The following NLRC5 variants were observed in gnomAD, a reference collection of about 807,000 sequenced individuals.
NLRC5 encodes NLR family CARD domain containing 5, also known as protein NLRC5.
NLRC5 carries 114 observed loss-of-function variants against 206.9 expected under a neutral mutation model. The observed-to-expected ratio is 0.55, with a 90% confidence interval of 0.47 to 0.64. The LOEUF (loss-of-function observed/expected upper bound fraction) is 0.64, where lower values mean the gene tolerates loss of function less well. NLRC5 is among the 30% of genes least tolerant of loss of function. The pLI, the probability that NLRC5 is intolerant of heterozygous loss-of-function variation, is 0.00. For synonymous variants in NLRC5, 952 were observed against 962.8 expected (o/e 0.99, Z 0.21); for missense variants, 2,008 against 2,305.5 (o/e 0.87, Z 2.64).
Position 57,034,239 on chromosome 16 carries a change from T to C in NLRC5, c.2615T>C (p.Leu872Pro). 1 of 1,608,654 alleles carries C rather than the reference T, an allele frequency of 6.2e-7. No individual in the cohort carries two copies. Among genetic ancestry groups the C allele is most frequent in the Non-Finnish European group, 8.5e-7 (1 of 1,176,920 alleles). Residue 872 changes from leucine to proline, a missense_variant, in exon 13 of 49, where the codon CTG becomes CCG. Leu to Pro is a moderately conservative substitution (Grantham distance 98). Transcript: ENST00000688547. ...LIALLQEGPH[L>P]EEVDLSGNQL... ...GCCCTGCTCCAGGAAGGCCCTCACCTGGAGGAAGTGGAGTGAGTATCACGG... is the reference window on the plus strand; with the variant it reads ...GCCCTGCTCCAGGAAGGCCCTCACCCGGAGGAAGTGGAGTGAGTATCACGG...
chr16:57,003,709 C>T (rs1382508786), intron 1 of NLRC5: 1 of 152,170 alleles, frequency 6.6e-6, no homozygotes, highest in Non-Finnish European at 1.5e-5. Context: ...ATGTGGCAGG[C>T]TGAAGCGAGG....
At chr16:57,067,611 C>T (rs1446366176) in intron 35 of NLRC5, 125 bp from the exon 36 acceptor site, 2 of 1,329,686 alleles carry the variant, frequency 1.5e-6, no homozygotes, top group Admixed American at 1.8e-5. Context: ...GAGGGAGAGC[C>T]CCAGGGTGGC....
At position 57,030,006 on chromosome 16, in the gene NLRC5, A is replaced by T. The variant is rs1241603755; in HGVS notation, c.2339A>T (p.Asn780Ile). The change falls in exon 10 of 49, where the codon AAC becomes ATC. Residue 780 changes from asparagine to isoleucine, a missense_variant. Transcript: ENST00000688547. ...CCACAATCTTGCAGCCTGAGCAGCAACAGCATCTGCGTGTCAACCCTACTC... is the reference window on the plus strand; with the variant it reads ...CCACAATCTTGCAGCCTGAGCAGCATCAGCATCTGCGTGTCAACCCTACTC... ...PRLRKLDLSS[N>I]SICVSTLLCL... is the part of the protein sequence containing the mutation. 1 of 1,614,132 alleles carries T rather than the reference A, an allele frequency of 6.2e-7. No homozygotes were observed. Among genetic ancestry groups the T allele is most frequent in the Non-Finnish European group, 8.5e-7 (1 of 1,180,018 alleles).
chr16:57,046,690 G>T lies in NLRC5; in HGVS notation c.3338+49G>T, dbSNP rs141441293. ...TGGGGGTAACCATAATAGGGATGAGGCGTCAGAGGGGGCAGAGCTGGCAGG... is the reference window on the plus strand; with the variant it reads ...TGGGGGTAACCATAATAGGGATGAGTCGTCAGAGGGGGCAGAGCTGGCAGG... On this transcript the variant is annotated intron_variant, in intron 22 of 48. Transcript: ENST00000688547. The T allele has an allele frequency of 1.7e-3, 2,568 of 1,485,098 alleles. 4 individuals carry two copies. The highest frequency in any genetic ancestry group is 5.0e-3 in the Admixed American group (289 of 57,892). The allele number at this position is 1,485,098 out of a possible 1,614,324, so 92.0% of individuals were successfully genotyped here. A position where few individuals can be genotyped will look rare whatever the true frequency, so the allele number is the denominator to read the frequency against.
At chr16:57,064,755 C>A (rs910365071) in intron 32 of NLRC5, among the ~76,000 whole-genome samples, 3 of 152,128 alleles carry the variant, frequency 2.0e-5, no homozygotes, top group Middle Eastern at 3.2e-3. Flanking sequence ...GAAACCCCAT[C>A]TCTACTAAAA....
Position 57,025,358 on chromosome 16 carries a change from C to A in NLRC5, c.425-10C>A, listed in dbSNP as rs1168981936. On this transcript the variant is annotated splice_polypyrimidine_tract_variant and intron_variant, in intron 5 of 48. Coordinates refer to ENST00000688547, the MANE Select transcript of NLRC5 (RefSeq NM_001384950.1). ...GTCCTCTCCTCATGCCATGTCCCTG[C>A]CCCTTGCAGAGTTGGCCAAGAAGTA... 2.0e-6 allele frequency: 3 copies of A among 1,528,070 alleles called. No individual in the cohort carries two copies. The highest frequency in any genetic ancestry group is 2.3e-5 in the East Asian group (1 of 44,164). 94.7% of individuals were successfully genotyped at this position (1,528,070 alleles called of 1,614,324 possible).
Position 57,077,773 on chromosome 16 carries a change from C to T in NLRC5, c.4974C>T (p.Leu1658=), listed in dbSNP as rs141899367. ...SAGGVQLAES[L]VLCRRLEELM... Reference sequence around the variant, plus strand: ...GGGGAGTGCAGTTGGCAGAGTCTCTCGTTCTTTGCAGGCGCCTGGAGGAGT... The same window carrying T: ...GGGGAGTGCAGTTGGCAGAGTCTCTTGTTCTTTGCAGGCGCCTGGAGGAGT... Residue 1658 remains leucine (L), a synonymous_variant, in exon 42 of 49, where the codon CTC becomes CTT. Transcript: ENST00000688547. 1.9e-5 allele frequency: 31 copies of T among 1,605,146 alleles called. No individual in the cohort carries two copies. Among genetic ancestry groups the T allele is most frequent in the African/African-American group, 5.4e-5 (4 of 74,728 alleles).
chr16:57,033,027 A>T (rs2062061667), intron 11 of NLRC5, among the ~76,000 whole-genome samples: 1 of 151,822 alleles, frequency 6.6e-6, no homozygotes, highest in Non-Finnish European at 1.5e-5. Context: ...GCACCAATCC[A>T]AAAAGTCTGT....
At chr16:57,013,761 A>G (rs2059742134) in intron 1 of NLRC5, 2 of 716,548 alleles carry the variant, frequency 2.8e-6, no homozygotes, top group African/African-American at 1.8e-5. Flanking sequence ...TTTATCCTCA[A>G]TTCAGAACTT....
intron 1 of NLRC5, among the ~76,000 whole-genome samples, chr16:57,009,832 T>G (rs2059309938): frequency 6.6e-6 from 1 of 152,176 alleles, no homozygotes; most frequent in South Asian, 2.1e-4. Flanking sequence ...CTGGGTGAGA[T>G]GAGAAGGCTC....
At chr16:57,010,615 C>T (rs2059386022) in intron 1 of NLRC5, among the ~76,000 whole-genome samples, 1 of 152,212 alleles carries the variant, frequency 6.6e-6, no homozygotes, top group South Asian at 2.1e-4. Context: ...TCAAGCTATC[C>T]TCCCACCTCG....
At chr16:57,022,648 T>G (rs1327417300) in intron 4 of NLRC5, among the ~76,000 whole-genome samples, 3 of 152,232 alleles carry the variant, frequency 2.0e-5, no homozygotes, top group Non-Finnish European at 4.4e-5. Context: ...TCAGGCTTCA[T>G]GGGGAAGCCC....
chr16:57,027,204 C>T (rs2061345056), intron 6 of NLRC5, among the ~76,000 whole-genome samples, 186 bp downstream of exon 6: 1 of 152,228 alleles, frequency 6.6e-6, no homozygotes, highest in Admixed American at 6.5e-5. Context: ...ATGGATCCTC[C>T]TCTTGTCTGT....
intron 12 of NLRC5, 65 bp downstream of exon 12, chr16:57,033,734 G>A: frequency 1.4e-6 from 2 of 1,454,510 alleles, no homozygotes; most frequent in Middle Eastern, 1.7e-4. Context: ...CGAGGCAAGG[G>A]AGAGCAGGGG....
chr16:57,035,668 G>T (rs915247647), intron 13 of NLRC5, among the ~76,000 whole-genome samples: 8 of 152,162 alleles, frequency 5.3e-5, no homozygotes, highest in Non-Finnish European at 1.0e-4. Context: ...CCGACTCCCA[G>T]ACTAGGTCAG....
Position 57,078,466 on chromosome 16 carries a change from G to GTTTTTTTTTTTTT in NLRC5, c.5081+458_5081+470dup, listed in dbSNP as rs71383218. 8.6e-4 allele frequency among the ~76,000 whole-genome samples: 79 copies of GTTTTTTTTTTTTT among 92,202 alleles called. 4 individuals are homozygous for GTTTTTTTTTTTTT. The highest frequency in any genetic ancestry group is 3.8e-3 in the African/African-American group (77 of 20,056). The allele number at this position is 92,202 out of a possible 152,430, so 60.5% of individuals were successfully genotyped here. ...CAGAGTCCCAGAGTGCTGGGACCTT[G>GTTTTTTTTTTTTT]TTTTTTTTTTTTTTTTTTTTTTTTA... On this transcript the variant is annotated intron_variant, in intron 43 of 48. Coordinates refer to ENST00000688547, the MANE Select transcript of NLRC5 (RefSeq NM_001384950.1).
intron 20 of NLRC5, among the ~76,000 whole-genome samples, chr16:57,044,154 A>AAG (rs1555528710): frequency 1.3e-5 from 2 of 151,450 alleles, no homozygotes; most frequent in African/African-American, 4.8e-5. Context: ...CCAAAAAAAA[A>AAG]AAAAAAAGTA....
intron 11 of NLRC5, among the ~76,000 whole-genome samples, chr16:57,032,683 A>G (rs2062015849): frequency 6.6e-6 from 1 of 151,894 alleles, no homozygotes; most frequent in African/African-American, 2.4e-5. Context: ...ATGCCAGGAC[A>G]TTTCCATCAT....
In NLRC5 at chr16:57,078,916, C is replaced by A. The variant is rs535829400; in HGVS notation, c.5082-134C>A. On this transcript the variant is annotated intron_variant, in intron 43 of 48. Coordinates refer to ENST00000688547, the MANE Select transcript of NLRC5 (RefSeq NM_001384950.1). ...CCAAAGCCAGGGTCCTTGATACCTA[C>A]CCAGGTCCTGTGTGGATGGGGAATT... 17 of 780,092 alleles carry A rather than the reference C, an allele frequency of 2.2e-5. No individual in the cohort carries two copies. The South Asian group carries it at 2.7e-4, about 12-fold the overall frequency. The allele number at this position is 780,092 out of a possible 1,614,324, so 48.3% of individuals were successfully genotyped here. A position where few individuals can be genotyped will look rare whatever the true frequency, so the allele number is the denominator to read the frequency against.
Sources: gnomAD v4.1 joint callset for allele counts (sites outside exome capture counted in the v4.1 genomes callset) on GRCh38, gnomAD v4.1.1 for gene constraint, MANE v1.5 for transcripts, NCBI Gene and HGNC (gene_info 2026-07-23, HGNC 2026-07-21) for gene names.